The following SH3BP2 variants were observed in gnomAD, a reference collection of about 807,000 sequenced individuals.
SH3BP2 encodes SH3 domain-binding protein 2.
SH3BP2 carries 38 observed loss-of-function variants against 56.2 expected under a neutral mutation model. The ratio of observed to expected loss-of-function variants is 0.68; its 90% CI spans 0.52 to 0.89. The LOEUF is 0.89. SH3BP2 is among the 40% of genes least tolerant of loss of function. The pLI, the probability that SH3BP2 is intolerant of heterozygous loss-of-function variation, is 0.00. For synonymous variants in SH3BP2, 346 were observed against 316.7 expected, an observed-to-expected ratio of 1.09 and a Z score of -0.98; for missense variants, 748 against 762.6, an observed-to-expected ratio of 0.98 and a Z score of 0.23.
intron 2 of SH3BP2, among the ~76,000 whole-genome samples, chr4:2,822,642 C>T (rs2108728040): frequency 6.6e-6 from 1 of 152,358 alleles, no homozygotes; most frequent in African/African-American, 2.4e-5. Context: ...CTCTGCCTTG[C>T]CTCATGCTGG....
intron 1 of SH3BP2, among the ~76,000 whole-genome samples, chr4:2,800,557 C>A (rs911827628): frequency 2.0e-4 from 30 of 151,984 alleles, no homozygotes; most frequent in Non-Finnish European, 2.2e-4. Flanking sequence ...CCGCCCCCCC[C>A]CCGGGCTGAT....
intron 10 of SH3BP2, 120 bp downstream of exon 10, chr4:2,832,098 A>C: frequency 1.8e-6 from 2 of 1,130,524 alleles, no homozygotes; most frequent in Non-Finnish European, 2.6e-6. Flanking sequence ...CCCTGCGTGC[A>C]GCAGAAACCA....
In SH3BP2 at chr4:2,829,518, C is replaced by T. The variant is rs1724854568; in HGVS notation, c.612C>T (p.Tyr204=). The T allele has an allele frequency of 6.2e-7, 1 of 1,613,488 alleles. No homozygotes were observed. Among genetic ancestry groups the T allele is most frequent in the African/African-American group, 1.3e-5 (1 of 74,882 alleles). ...ATGCCCTGATGCACCCACCGGCTTACCCACCACCCCCAGTGCCCACGCCCA... is the reference window on the plus strand; with the variant it reads ...ATGCCCTGATGCACCCACCGGCTTATCCACCACCCCCAGTGCCCACGCCCA... ...LEDALMHPPA[Y]PPPPVPTPRK... is the part of the protein sequence containing the mutation. The change falls in exon 8 of 13, where the codon TAC becomes TAT. Residue 204 remains tyrosine (Y), a synonymous_variant. Coordinates refer to ENST00000503393, the MANE Select transcript of SH3BP2 (RefSeq NM_001122681.2). The surrounding 1 kb of genome is among the most constrained non-coding windows in gnomAD (Gnocchi z 4.9).
chr4:2,818,125 G>C, intron 1 of SH3BP2: 1 of 715,106 alleles, frequency 1.4e-6, no homozygotes. Flanking sequence ...ACGCGGCAGG[G>C]GGCGGGGCCG....
chr4:2,807,695 G>T (rs1723588151), intron 1 of SH3BP2, among the ~76,000 whole-genome samples: 1 of 152,218 alleles, frequency 6.6e-6, no homozygotes, highest in African/African-American at 2.4e-5. Flanking sequence ...CATCCACGTG[G>T]ACAGGGAACC....
intron 8 of SH3BP2, 51 bp downstream of exon 8, chr4:2,830,198 G>A: frequency 6.5e-7 from 1 of 1,540,728 alleles, no homozygotes. Flanking sequence ...AGGGACCCTG[G>A]CCTGGCCTCT....
intron 3 of SH3BP2, chr4:2,823,678 T>G (rs1433988359): frequency 2.7e-6 from 1 of 368,202 alleles, no homozygotes; most frequent in Non-Finnish European, 5.5e-6. Context: ...CTGGTTCTGG[T>G]TGCTATCCCA....
intron 7 of SH3BP2, among the ~76,000 whole-genome samples, chr4:2,828,924 G>A (rs146482218): frequency 0.019 from 2,908 of 152,200 alleles, 95 homozygotes; most frequent in Non-Finnish European, 0.021. Flanking sequence ...AGGGATACCC[G>A]GGACTCAGAC....
intron 1 of SH3BP2, among the ~76,000 whole-genome samples, chr4:2,804,880 A>G (rs1004257965): frequency 4.6e-5 from 7 of 152,242 alleles, no homozygotes; most frequent in African/African-American, 1.4e-4. Context: ...TGGGTAGCCA[A>G]GCGTTGCAGC....
chr4:2,831,694 C>T lies in SH3BP2; in HGVS notation c.1350+15C>T, dbSNP rs1324341940. On this transcript the variant is annotated intron_variant, in intron 9 of 12. Transcript: ENST00000503393. The surrounding 1 kb of genome is among the most constrained non-coding windows in gnomAD (Gnocchi z 4.1). ...ACTATGAGAAGGCAAGGCTGAGCGG[C>T]AAGCCTGGGTCCCAGTGGCCAGTAG... The T allele has an allele frequency of 1.9e-6, 3 of 1,573,040 alleles. No homozygotes were observed. In the Admixed American group the frequency reaches 5.4e-5, roughly 28 times the overall value.
chr4:2,795,448 G>A (rs894246260), intron 1 of SH3BP2, among the ~76,000 whole-genome samples: 1 of 152,256 alleles, frequency 6.6e-6, no homozygotes, highest in Admixed American at 6.5e-5. Context: ...CTCCCAAAGT[G>A]CTGGGATTAC....
chr4:2,827,380 G>A (rs748875242), intron 6 of SH3BP2, 62 bp downstream of exon 6: 7 of 1,453,426 alleles, frequency 4.8e-6, no homozygotes, highest in South Asian at 2.3e-5. Context: ...CCTCTTGGCC[G>A]CTGTGGAGGA....
At chr4:2,821,640 G>C (rs1193381204) in intron 2 of SH3BP2, among the ~76,000 whole-genome samples, 2 of 151,742 alleles carry the variant, frequency 1.3e-5, no homozygotes, top group African/African-American at 4.8e-5. Flanking sequence ...GCTCACTGCA[G>C]CCTCAACCTC....
rs1725147880 is a variant in SH3BP2 at position 2,834,045 on chromosome 4, G to A, written c.*211G>A. The A allele has an allele frequency of 6.6e-6, 4 of 606,116 alleles. No individual in the cohort carries two copies. Among genetic ancestry groups the A allele is most frequent in the South Asian group, 2.0e-5 (1 of 49,148 alleles). 37.5% of individuals were successfully genotyped at this position (606,116 alleles called of 1,614,324 possible). On this transcript the variant is annotated 3_prime_UTR_variant, in exon 13 of 13. Transcript: ENST00000503393. ...CAGGCGCCAGGCTCCAGAGGACGAA[G>A]GGACTCTGTTGCCCCACACTAACTT...
intron 1 of SH3BP2, among the ~76,000 whole-genome samples, chr4:2,794,614 C>T (rs1055142122): frequency 1.3e-5 from 2 of 152,230 alleles, no homozygotes; most frequent in African/African-American, 2.4e-5. Context: ...GATAGGCAGC[C>T]GTGTCTAGGA....
rs554567075 is a variant in SH3BP2, at chr4:2,828,769, G to A, written c.587-724G>A. ...CCCCGAGACATTTCTCGTCCAGGACGCCTGTGGCCTCCCCATTCCCAGTTC... is the reference window on the plus strand; with the variant it reads ...CCCCGAGACATTTCTCGTCCAGGACACCTGTGGCCTCCCCATTCCCAGTTC... On this transcript the variant is annotated intron_variant, in intron 7 of 12. Transcript: ENST00000503393. Among the ~76,000 whole-genome samples, 4 of 152,206 alleles carry A rather than the reference G, an allele frequency of 2.6e-5. No homozygotes were observed. In the South Asian group the frequency reaches 6.2e-4, roughly 24 times the overall value.
At chr4:2,807,423 C>T (rs1034963089) in intron 1 of SH3BP2, among the ~76,000 whole-genome samples, 7 of 152,144 alleles carry the variant, frequency 4.6e-5, no homozygotes, top group Admixed American at 6.5e-5. Context: ...GGGCCTGGTG[C>T]CCATCTGGGC....
chr4:2,814,371 C>T (rs1053679905), intron 1 of SH3BP2, among the ~76,000 whole-genome samples: 3 of 152,184 alleles, frequency 2.0e-5, no homozygotes, highest in African/African-American at 7.2e-5. Flanking sequence ...TGCCCCCCAC[C>T]GCAGCAGCCT....
intron 3 of SH3BP2, chr4:2,823,342 C>T (rs1215233285): frequency 3.9e-6 from 2 of 510,290 alleles, no homozygotes; most frequent in African/African-American, 3.8e-5. Context: ...GTGACTTCTG[C>T]ATCTCTCCTC....
Sources: gnomAD v4.1 joint callset for allele counts (sites outside exome capture counted in the v4.1 genomes callset) on GRCh38, gnomAD v4.1.1 for gene constraint, Gnocchi (gnomAD v3.1) non-coding constraint, MANE v1.5 for transcripts, NCBI Gene and HGNC (gene_info 2026-07-23, HGNC 2026-07-21) for gene names.